The following CNTN4 variants were observed in gnomAD, a reference collection of about 807,000 sequenced individuals.
CNTN4 encodes the protein contactin-4.
A neutral mutation model predicts 122.5 loss-of-function variants in CNTN4; 77 were observed. The observed-to-expected ratio is 0.63, with a 90% CI of 0.52 to 0.76. The LOEUF (loss-of-function observed/expected upper bound fraction) is 0.76, where lower values mean the gene tolerates loss of function less well. Ranked by LOEUF, CNTN4 falls within the 30% of genes least tolerant of loss-of-function variation. The probability of loss-of-function intolerance (pLI) is 0.00; values close to 1 mark genes in which losing one functional copy is unlikely to be tolerated. For missense variants in CNTN4, 1,256 were observed against 1,259.1 expected, an observed-to-expected ratio of 1.00 and a Z score of 0.04; for synonymous variants, 512 against 447.0, an observed-to-expected ratio of 1.15 and a Z score of -1.83.
intron 4 of CNTN4, chr3:2,629,420 C>G (rs1196944457): frequency 2.9e-6 from 1 of 347,398 alleles, no homozygotes; most frequent in Non-Finnish European, 5.8e-6. Context: ...TAAAAAAATA[C>G]TTTTCAAATA....
In CNTN4 at chr3:2,238,746, G is replaced by C. The variant is rs868129945; in HGVS notation, c.-144-100432G>C. The C allele has an allele frequency of 1.2e-4, 2 of 16,204 alleles. 1 individual carries two copies. Among genetic ancestry groups the C allele is most frequent in the East Asian group, 2.1e-3 (2 of 956 alleles). 1.0% of individuals were successfully genotyped at this position (16,204 alleles called of 1,614,324 possible). A position where few individuals can be genotyped will look rare whatever the true frequency, so the allele number is the denominator to read the frequency against. On this transcript the variant is annotated intron_variant, in intron 2 of 24. Transcript: ENST00000418658. ...TCAGTTGGCTCTGTGTTTTTTTTTT[G>C]AGACGGAGTCTGGCCCTGTCGCCCA...
At chr3:2,931,453 C>T (rs989789407) in intron 13 of CNTN4, among the ~76,000 whole-genome samples, 10 of 152,114 alleles carry the variant, frequency 6.6e-5, no homozygotes, top group Non-Finnish European at 2.9e-5. Context: ...ATGTGAGGTG[C>T]CTGCAAGTGG....
intron 2 of CNTN4, among the ~76,000 whole-genome samples, chr3:2,180,007 G>T (rs1011512210): frequency 6.6e-6 from 1 of 150,956 alleles, no homozygotes; most frequent in South Asian, 2.1e-4. Flanking sequence ...TCTCAATTCA[G>T]ATGAGCAACA....
chr3:3,048,239 A>T (rs1267420967), intron 23 of CNTN4, among the ~76,000 whole-genome samples: 1 of 150,754 alleles, frequency 6.6e-6, no homozygotes, highest in South Asian at 2.1e-4. Context: ...AGGAAAAAAA[A>T]CACACAAAAA....
rs142526663 is a variant in CNTN4 at position 2,993,177 on chromosome 3, A to G, written c.1486+4705A>G. On this transcript the variant is annotated intron_variant, in intron 14 of 24. Transcript: ENST00000418658. Reference sequence around the variant, plus strand: ...TGGGCATGAAACTTTTATGAAATTCATCTTTTAGTGTCCATAAATAAAGTT... The same window carrying G: ...TGGGCATGAAACTTTTATGAAATTCGTCTTTTAGTGTCCATAAATAAAGTT... Among the ~76,000 whole-genome samples, 15 of 152,276 alleles carry G rather than the reference A, an allele frequency of 9.9e-5. No homozygotes were observed. In the East Asian group the frequency reaches 2.7e-3, roughly 27 times the overall value.
chr3:3,030,058 T>C (rs12497768), intron 15 of CNTN4, among the ~76,000 whole-genome samples: 74,140 of 151,936 alleles, frequency 0.49, 18,794 homozygotes, highest in Middle Eastern at 0.62. Context: ...GGGTGGTCTC[T>C]TCATCAAGCA....
chr3:2,403,109 T>G (rs2046915636), intron 3 of CNTN4, among the ~76,000 whole-genome samples: 3 of 152,104 alleles, frequency 2.0e-5, no homozygotes, highest in Admixed American at 6.6e-5. Flanking sequence ...TGGCCTTCTT[T>G]GTCTTGTATC....
At chr3:2,333,651 T>C (rs1480755629) in intron 2 of CNTN4, among the ~76,000 whole-genome samples, 1 of 152,210 alleles carries the variant, frequency 6.6e-6, no homozygotes, top group Non-Finnish European at 1.5e-5. Context: ...ATAGTATTCG[T>C]TGTGAAATGA....
chr3:2,904,491 A>C (rs1012100052), intron 12 of CNTN4, among the ~76,000 whole-genome samples: 1 of 152,202 alleles, frequency 6.6e-6, no homozygotes, highest in Non-Finnish European at 1.5e-5. Context: ...TTTCATGGGG[A>C]TGGAGCCTTT....
intron 2 of CNTN4, among the ~76,000 whole-genome samples, chr3:2,316,154 T>G (rs1383946803): frequency 6.6e-6 from 1 of 152,096 alleles, no homozygotes; most frequent in Non-Finnish European, 1.5e-5. Context: ...TCATGATGAT[T>G]ATGGTGAAAT....
At chr3:2,979,341 G>C (rs1693738783) in intron 13 of CNTN4, among the ~76,000 whole-genome samples, 1 of 152,188 alleles carries the variant, frequency 6.6e-6, no homozygotes, top group South Asian at 2.1e-4. Context: ...AAAGGGCTAT[G>C]TAGGAAGTGG....
chr3:3,028,408 T>A (rs994867387), intron 15 of CNTN4, among the ~76,000 whole-genome samples: 1 of 152,198 alleles, frequency 6.6e-6, no homozygotes, highest in African/African-American at 2.4e-5. Flanking sequence ...CTCCTCACTC[T>A]ATTTTTTTCT....
chr3:2,643,218 A>G (rs751101363), intron 4 of CNTN4, among the ~76,000 whole-genome samples: 1 of 152,076 alleles, frequency 6.6e-6, no homozygotes. Flanking sequence ...CTGTCTCCCA[A>G]ACTAGAGTGC....
At chr3:2,921,720 A>T (rs1480904273) in intron 12 of CNTN4, among the ~76,000 whole-genome samples, 1 of 152,216 alleles carries the variant, frequency 6.6e-6, no homozygotes, top group Non-Finnish European at 1.5e-5. Flanking sequence ...ATGTAGTAAG[A>T]CATCACATCC....
chr3:2,672,508 C>T (rs2150389400), intron 4 of CNTN4, among the ~76,000 whole-genome samples: 1 of 152,358 alleles, frequency 6.6e-6, no homozygotes, highest in Admixed American at 6.5e-5. Flanking sequence ...CAGGTGCCGT[C>T]TGTCACCCCT....
At chr3:2,560,517 A>T (rs901539956) in intron 3 of CNTN4, among the ~76,000 whole-genome samples, 2 of 152,170 alleles carry the variant, frequency 1.3e-5, no homozygotes, top group African/African-American at 4.8e-5. Context: ...TTCCTTTTGC[A>T]TTATGGTGGT....
At chr3:2,978,896 C>A (rs936169210) in intron 13 of CNTN4, among the ~76,000 whole-genome samples, 9 of 152,266 alleles carry the variant, frequency 5.9e-5, no homozygotes, top group East Asian at 1.9e-4. Flanking sequence ...AGTCGCTCAC[C>A]CCTTGCAGAG....
intron 6 of CNTN4, among the ~76,000 whole-genome samples, chr3:2,778,325 A>ATTGTTTTTAAGAGAAAACCATGATACAG: frequency 6.6e-6 from 1 of 152,062 alleles, no homozygotes; most frequent in Non-Finnish European, 1.5e-5. Context: ...CCATGATACA[A>ATTGTTTTTAAGAGAAAACCATGATACAG]TTGTTTTAAA....
chr3:2,308,506 TA>T (rs1406878397), intron 2 of CNTN4, among the ~76,000 whole-genome samples: 4 of 152,104 alleles, frequency 2.6e-5, no homozygotes, highest in Non-Finnish European at 4.4e-5. Context: ...TTATTCTTTT[TA>T]AATATACGCA....
Sources: gnomAD v4.1 joint callset for allele counts (sites outside exome capture counted in the v4.1 genomes callset) on GRCh38, gnomAD v4.1.1 for gene constraint, MANE v1.5 for transcripts, NCBI Gene and HGNC (gene_info 2026-07-23, HGNC 2026-07-21) for gene names.